The following RAB27A variants were observed in gnomAD, a reference collection of about 807,000 sequenced individuals.
RAB27A encodes RAB27A, member RAS oncogene family.
RAB27A carries 17 observed loss-of-function variants against 20.8 expected under a neutral mutation model. The ratio of observed to expected loss-of-function variants is 0.82; its 90% CI spans 0.56 to 1.23. RAB27A has a LOEUF of 1.23. Ranked by LOEUF, RAB27A falls within the 50% of genes most tolerant of loss-of-function variation. RAB27A has a pLI of 0.00. For missense variants in RAB27A, 277 were observed against 266.7 expected, an observed-to-expected ratio of 1.04 and a Z score of -0.27; for synonymous variants, 85 against 92.8, an observed-to-expected ratio of 0.92 and a Z score of 0.48.
intron 2 of RAB27A, among the ~76,000 whole-genome samples, chr15:55,255,484 C>CT (rs775446664): frequency 2.6e-5 from 4 of 152,180 alleles, no homozygotes; most frequent in African/African-American, 4.8e-5. Context: ...GGACAGACAA[C>CT]TGGCCAGCTG....
At chr15:55,257,943 A>C (rs1473163389) in intron 2 of RAB27A, among the ~76,000 whole-genome samples, 1 of 151,880 alleles carries the variant, frequency 6.6e-6, no homozygotes, top group Non-Finnish European at 1.5e-5. Flanking sequence ...CAGTGAGCTG[A>C]GATCATGCCA....
At chr15:55,290,968 C>T (rs1305769741), upstream of RAB27A, among the ~76,000 whole-genome samples, 5 of 152,224 alleles carry the variant, frequency 3.3e-5, no homozygotes, top group African/African-American at 1.2e-4. Flanking sequence ...ATCACCTTTC[C>T]AGTCTGTAGC....
chr15:55,286,267 G>A (rs1424887219), intron 1 of RAB27A, among the ~76,000 whole-genome samples: 1 of 152,146 alleles, frequency 6.6e-6, no homozygotes. Flanking sequence ...ATCTCTTTGA[G>A]TGCTTAATAT....
chr15:55,251,655 T>A (rs1242812733), intron 2 of RAB27A, among the ~76,000 whole-genome samples: 1 of 152,194 alleles, frequency 6.6e-6, no homozygotes. Flanking sequence ...AACTTTAAGA[T>A]AACTGAGAAT....
chr15:55,267,265 G>C (rs1897528581), intron 2 of RAB27A, among the ~76,000 whole-genome samples: 1 of 152,208 alleles, frequency 6.6e-6, no homozygotes, highest in Non-Finnish European at 1.5e-5. Context: ...CATCAAGAAA[G>C]GAGGCCTGAT....
chr15:55,316,984 T>C, intron 1 of RAB27A, among the ~76,000 whole-genome samples: 1 of 152,164 alleles, frequency 6.6e-6, no homozygotes, highest in South Asian at 2.1e-4. Flanking sequence ...CAAACACTAT[T>C]GCAAACACCC....
intron 2 of RAB27A, among the ~76,000 whole-genome samples, chr15:55,256,154 C>T (rs1897071252): frequency 6.6e-6 from 1 of 152,112 alleles, no homozygotes; most frequent in Non-Finnish European, 1.5e-5. Flanking sequence ...GAGGCTCATA[C>T]CTGTAATCCC....
rs1402043721 is a variant in RAB27A, at chr15:55,302,866, C to A, written c.-112+11173G>T. 2.3e-3 allele frequency among the ~76,000 whole-genome samples: 324 copies of A among 140,302 alleles called. 2 individuals carry two copies. Among genetic ancestry groups the A allele is most frequent in the Non-Finnish European group, 3.9e-3 (256 of 64,852 alleles). 92.0% of individuals were successfully genotyped at this position (140,302 alleles called of 152,430 possible). ...CCACCCCGTCTGAGAAGTGAGGAGC[C>A]CCTCCGTCCGGCAGCTGCCCCGTCT... On this transcript the variant is annotated intron_variant, in intron 2 of 5. Coordinates refer to the RAB27A transcript ENST00000563262.
chr15:55,245,210 C>G (rs1441423135), intron 2 of RAB27A, among the ~76,000 whole-genome samples: 1 of 152,164 alleles, frequency 6.6e-6, no homozygotes, highest in African/African-American at 2.4e-5. Flanking sequence ...TGCCCAATAG[C>G]AGGAACCCCA....
intron 2 of RAB27A, among the ~76,000 whole-genome samples, chr15:55,310,713 G>A (rs752813421): frequency 1.3e-5 from 2 of 152,000 alleles, no homozygotes; most frequent in East Asian, 1.9e-4. Context: ...ATAAAAAACC[G>A]AGGTTGCCAA....
intron 2 of RAB27A, among the ~76,000 whole-genome samples, chr15:55,248,676 T>C (rs1192764630): frequency 6.6e-6 from 1 of 152,208 alleles, no homozygotes; most frequent in Non-Finnish European, 1.5e-5. Context: ...TCTATAAATA[T>C]GTTTATTATA....
chr15:55,205,780 T>C, intron 6 of RAB27A, 75 bp from the exon 7 acceptor site: 1 of 1,289,048 alleles, frequency 7.8e-7, no homozygotes, highest in Non-Finnish European at 1.1e-6. Context: ...ATAATTCAAA[T>C]TAGAGAATCG....
intron 2 of RAB27A, among the ~76,000 whole-genome samples, chr15:55,236,027 G>A (rs535812520): frequency 2.6e-5 from 4 of 152,114 alleles, no homozygotes; most frequent in African/African-American, 4.8e-5. Flanking sequence ...GGTGGGAGGC[G>A]GGTGAGGGAT....
At chr15:55,253,702 G>A (rs1896979922) in intron 2 of RAB27A, among the ~76,000 whole-genome samples, 1 of 151,214 alleles carries the variant, frequency 6.6e-6, no homozygotes, top group African/African-American at 2.4e-5. Flanking sequence ...AAAATAAGCA[G>A]GCAAGAGGGT....
At chr15:55,237,497 G>T (rs1896307151) in intron 2 of RAB27A, 1 of 152,152 alleles carries the variant, frequency 6.6e-6, no homozygotes, top group South Asian at 2.1e-4. Flanking sequence ...CTTCACAGAT[G>T]ATGCCTTACC....
chr15:55,314,805 G>T (rs2055036170), intron 1 of RAB27A, among the ~76,000 whole-genome samples: 1 of 152,162 alleles, frequency 6.6e-6, no homozygotes, highest in African/African-American at 2.4e-5. Context: ...CTCATGGATA[G>T]GAAGAATCAA....
At position 55,205,050 on chromosome 15, in the gene RAB27A, T is replaced by C. The variant is rs112397072; in HGVS notation, c.*457A>G. On this transcript the variant is annotated 3_prime_UTR_variant, in exon 7 of 7. Transcript: ENST00000336787. ...TTATTTAACATTTAAGTGGCTTTAA[T>C]GGTATTTTAGAATGTCACCTATGGC... 1.5e-3 allele frequency: 304 copies of C among 203,934 alleles called. 4 individuals carry two copies. Among genetic ancestry groups the C allele is most frequent in the African/African-American group, 6.8e-3 (288 of 42,246 alleles). The allele number at this position is 203,934 out of a possible 1,614,324, so 12.6% of individuals were successfully genotyped here.
At chr15:55,209,665 T>C (rs765302838) in intron 6 of RAB27A, among the ~76,000 whole-genome samples, 1 of 151,136 alleles carries the variant, frequency 6.6e-6, no homozygotes, top group Non-Finnish European at 1.5e-5. Context: ...TTGGGATATA[T>C]ATATATCTCT....
intron 6 of RAB27A, among the ~76,000 whole-genome samples, chr15:55,213,808 A>T (rs1263911027): frequency 6.6e-6 from 1 of 152,216 alleles, no homozygotes; most frequent in Non-Finnish European, 1.5e-5. Flanking sequence ...GCTCCCACTG[A>T]TTCTACATTA....
Sources: allele counts gnomAD v4.1 joint callset (sites outside exome capture counted in the v4.1 genomes callset), GRCh38; gene constraint gnomAD v4.1.1; transcripts MANE v1.5; gene names NCBI Gene and HGNC (gene_info 2026-07-23, HGNC 2026-07-21).